PRSS33: variants seen among roughly 807,000 people sequenced by gnomAD.
PRSS33 encodes serine protease 33, also known as protease, serine 33.
A neutral mutation model predicts 26.7 loss-of-function variants in PRSS33; 32 were observed. The observed-to-expected ratio is 1.20, with a 90% CI of 0.90 to 1.61. The LOEUF (loss-of-function observed/expected upper bound fraction) is 1.61. Among genes scored for constraint, PRSS33 ranks in the 40% most tolerant of loss-of-function variants. The pLI is 0.00. For missense variants in PRSS33, 450 were observed against 396.3 expected (o/e 1.14, Z -1.15); for synonymous variants, 192 against 177.6 (o/e 1.08, Z -0.64).
At chr16:2,786,061 A>T (rs761584283) in intron 3 of PRSS33, 28 bp downstream of exon 3, 1 of 1,612,744 alleles carries the variant, frequency 6.2e-7, no homozygotes, top group South Asian at 1.1e-5. Context: ...GGAGGGGCTG[A>T]CTCGGGTGGA....
In PRSS33 at chr16:2,786,650, C is replaced by A. The variant is rs1990265; in HGVS notation, c.-57-46G>T. ...AGAGGAGAGTCCTGGCCCAGGGGCA[C>A]CAATCCTCACACCAGCCCGTCACCC... On this transcript the variant is annotated intron_variant, in intron 1 of 6. Coordinates refer to ENST00000682474, the MANE Select transcript of PRSS33 (RefSeq NM_152891.3). The A allele has an allele frequency of 0.018, 24,065 of 1,308,374 alleles. 3,338 individuals are homozygous for A. The African/African-American group carries it at 0.3, about 16-fold the overall frequency. 81.0% of individuals were successfully genotyped at this position (1,308,374 alleles called of 1,614,324 possible).
At position 2,784,692 on chromosome 16, in the gene PRSS33, G is replaced by T; in HGVS notation, c.795C>A (p.Thr265=). The part of the protein sequence containing the change: ...CALPNRPGVY[T]SVATYSPWIQ... ...TCCAGGGGCTATATGTGGCCACACT[G>T]GTGTAGACCCCTGGACGGTTGGGCA... Residue 265 remains threonine (T), a synonymous_variant, in exon 7 of 7, where the codon ACC becomes ACA. Transcript: ENST00000682474. The T allele has an allele frequency of 6.2e-7, 1 of 1,606,302 alleles. No individual in the cohort carries two copies. Among genetic ancestry groups the T allele is most frequent in the African/African-American group, 1.3e-5 (1 of 74,812 alleles).
Position 2,785,981 on chromosome 16 carries a change from G to A in PRSS33, c.80-20C>T, listed in dbSNP as rs747114500. ...CGCAGGCTAGAAAAGGACCAGGGGC[G>A]GTGAGGGTTGGCTGAGGACCTGGGG... On this transcript the variant is annotated intron_variant, in intron 3 of 6. Transcript: ENST00000682474. 7.4e-6 allele frequency: 12 copies of A among 1,613,028 alleles called. No individual in the cohort carries two copies. Among genetic ancestry groups the A allele is most frequent in the African/African-American group, 1.3e-5 (1 of 75,064 alleles).
chr16:2,784,565 G>T lies in PRSS33; in HGVS notation c.*79C>A, dbSNP rs2068850505. The stretch of plus-strand genomic sequence containing the variant: ...TGGCCTCGAGGCAGAAGGGATGTGG[G>T]GTATAGGCAGGTGCCTGGATGAACC... On this transcript the variant is annotated 3_prime_UTR_variant, in exon 7 of 7. Coordinates refer to ENST00000682474, the MANE Select transcript of PRSS33 (RefSeq NM_152891.3). 1 of 1,398,508 alleles carries T rather than the reference G, an allele frequency of 7.2e-7. No homozygotes were observed. The highest frequency in any genetic ancestry group is 9.6e-7 in the Non-Finnish European group (1 of 1,037,842). The allele number at this position is 1,398,508 out of a possible 1,614,324, so 86.6% of individuals were successfully genotyped here.
At chr16:2,787,665 C>A (rs563826844), upstream of PRSS33, among the ~76,000 whole-genome samples, 6 of 151,592 alleles carry the variant, frequency 4.0e-5, no homozygotes, top group South Asian at 8.4e-4. Flanking sequence ...ACCGGACCAG[C>A]CTCAAACAAA....
chr16:2,786,178 T>C, intron 2 of PRSS33, 57 bp from the exon 3 acceptor site: 4 of 1,478,214 alleles, frequency 2.7e-6, no homozygotes, highest in Non-Finnish European at 3.8e-6. Flanking sequence ...AATAACGGAG[T>C]TGGAGGGGAG....
intron 6 of PRSS33, 50 bp from the exon 7 acceptor site, chr16:2,784,852 C>G (rs772831274): frequency 6.4e-7 from 1 of 1,555,606 alleles, no homozygotes; most frequent in South Asian, 1.2e-5. Flanking sequence ...GACTTCAGTT[C>G]TCAGGGTTCC....
chr16:2,784,984 G>T lies in PRSS33; in HGVS notation c.684+18C>A, dbSNP rs757242287. 1.3e-6 allele frequency: 2 copies of T among 1,595,014 alleles called. No homozygotes were observed. The highest frequency in any genetic ancestry group is 1.1e-5 in the South Asian group (1 of 88,308). On this transcript the variant is annotated intron_variant, in intron 6 of 6. Coordinates refer to ENST00000682474, the MANE Select transcript of PRSS33 (RefSeq NM_152891.3). ...CACAGGGAGGGGACTCCGGAGGCTG[G>T]GGAGGCTGGGTGCACACCTGGCAGG... is the stretch of plus-strand genomic sequence containing the variant.
chr16:2,785,308 T>G, intron 5 of PRSS33, 67 bp downstream of exon 5: 1 of 1,455,334 alleles, frequency 6.9e-7, no homozygotes, highest in Non-Finnish European at 9.0e-7. Context: ...GGGGCTGGGA[T>G]TTCCAGTCAG....
rs1392985320 is a variant in PRSS33 at position 2,786,112 on chromosome 16, C to A, written c.56G>T (p.Gly19Val). ...ACCTGCAGACTTCCTTCCCTGAGTC[C>A]CAGCAGCTCCTGGAGGAGGAAGCAG... ...VLLLLVLGAA[G>V]TQGRKSAACG... Residue 19 changes from glycine to valine, a missense_variant, in exon 3 of 7, where the codon GGG becomes GTG. Physicochemically the swap from Gly to Val is moderately radical, Grantham distance 109. Transcript: ENST00000682474. 1.2e-6 allele frequency: 2 copies of A among 1,613,352 alleles called. No homozygotes were observed. The highest frequency in any genetic ancestry group is 1.7e-6 in the Non-Finnish European group (2 of 1,179,780).
rs555139479 is a variant in PRSS33 at position 2,784,327 on chromosome 16, T to C, written c.*317A>G. ...ACAGGCCAGATGGGCAGCAATTGGT[T>C]TGCCCATCACTGCGTGCCTTGCGCC... On this transcript the variant is annotated 3_prime_UTR_variant, in exon 7 of 7. Transcript: ENST00000682474. 13 of 212,218 alleles carry C rather than the reference T, an allele frequency of 6.1e-5. No homozygotes were observed. The South Asian group carries it at 1.3e-3, about 22-fold the overall frequency. The allele number at this position is 212,218 out of a possible 1,614,324, so 13.1% of individuals were successfully genotyped here.
intron 1 of PRSS33, chr16:2,786,806 C>T (rs1260670751): frequency 2.3e-6 from 1 of 430,198 alleles, no homozygotes; most frequent in Non-Finnish European, 4.2e-6. Context: ...ATTTGGGCAT[C>T]CTTGGTCTCG....
intron 1 of PRSS33, among the ~76,000 whole-genome samples, chr16:2,787,242 T>C (rs1424781032): frequency 1.5e-3 from 3 of 2,060 alleles, no homozygotes; most frequent in African/African-American, 5.9e-3. Flanking sequence ...ACCCCCTCCC[T>C]CATCCTCACC....
At position 2,785,186 on chromosome 16, in the gene PRSS33, G is replaced by C; in HGVS notation, c.515-15C>G. ...TGGGAGGGGCACTGGGGGAAGAGGAGGGACCTCTGAGAGGAAGGCGTGGAG... is the reference window on the plus strand; with the variant it reads ...TGGGAGGGGCACTGGGGGAAGAGGACGGACCTCTGAGAGGAAGGCGTGGAG... On this transcript the variant is annotated splice_polypyrimidine_tract_variant and intron_variant, in intron 5 of 6. Coordinates refer to ENST00000682474, the MANE Select transcript of PRSS33 (RefSeq NM_152891.3). The C allele has an allele frequency of 6.5e-7, 1 of 1,531,172 alleles. No individual in the cohort carries two copies. The highest frequency in any genetic ancestry group is 8.8e-7 in the Non-Finnish European group (1 of 1,141,482). 94.8% of individuals were successfully genotyped at this position (1,531,172 alleles called of 1,614,324 possible).
At position 2,785,080 on chromosome 16, in the gene PRSS33, G is replaced by C. The variant is rs1477632768; in HGVS notation, c.606C>G (p.Asp202Glu). 1 of 1,566,022 alleles carries C rather than the reference G, an allele frequency of 6.4e-7. No homozygotes were observed. Among genetic ancestry groups the C allele is most frequent in the Non-Finnish European group, 8.6e-7 (1 of 1,158,472 alleles). Reference protein sequence around the residue: ...TCDGLYHVGADVPQAERIVLP... With the variant: ...TCDGLYHVGAEVPQAERIVLP... The stretch of plus-strand genomic sequence containing the variant: ...GCACAATGCGCTCAGCCTGGGGCAC[G>C]TCCGCGCCCACGTGGTAGAGGCCGT... The change falls in exon 6 of 7, where the codon GAC (aspartate) becomes GAG (glutamate). Residue 202 changes from aspartate (D) to glutamate (E), a missense_variant. Physicochemically the swap from Asp to Glu is conservative, Grantham distance 45. Transcript: ENST00000682474.
chr16:2,785,322 G>A (rs2068860115), intron 5 of PRSS33, 53 bp downstream of exon 5: 4 of 1,460,378 alleles, frequency 2.7e-6, no homozygotes, highest in African/African-American at 2.8e-5. Context: ...CAGTCAGATG[G>A]AGGAGGACGT....
chr16:2,786,824 C>T lies in PRSS33; in HGVS notation c.-57-220G>A, dbSNP rs139227165. 425 of 372,942 alleles carry T rather than the reference C, an allele frequency of 1.1e-3. 1 individual carries two copies. Among genetic ancestry groups the T allele is most frequent in the African/African-American group, 8.5e-3 (403 of 47,436 alleles). The allele number at this position is 372,942 out of a possible 1,614,324, so 23.1% of individuals were successfully genotyped here. ...TGGGCATCCTTGGTCTCGACAGAAG[C>T]CCTGGAGCCTAACCCCCCTCGGTCA... is the stretch of plus-strand genomic sequence containing the variant. On this transcript the variant is annotated intron_variant, in intron 1 of 6. Transcript: ENST00000682474.
rs764769997 is a variant in PRSS33 at position 2,786,064 on chromosome 16, C to T, written c.79+25G>A. ...GGCCGAGGTCCAGGAGGGGCTGACT[C>T]GGGTGGACTCCGAGGCTTCCTCACC... On this transcript the variant is annotated intron_variant, in intron 3 of 6. Transcript: ENST00000682474. 7 of 1,613,066 alleles carry T rather than the reference C, an allele frequency of 4.3e-6. No homozygotes were observed. The East Asian group carries it at 1.1e-4, about 26-fold the overall frequency.
chr16:2,784,981 C>T (rs753990780), intron 6 of PRSS33, 21 bp downstream of exon 6: 12 of 1,593,738 alleles, frequency 7.5e-6, no homozygotes, highest in Non-Finnish European at 9.4e-6. Context: ...ACTCCGGAGG[C>T]TGGGGAGGCT....
Sources: allele counts gnomAD v4.1 joint callset (sites outside exome capture counted in the v4.1 genomes callset), GRCh38; gene constraint gnomAD v4.1.1; transcripts MANE v1.5; gene names NCBI Gene and HGNC (gene_info 2026-07-23, HGNC 2026-07-21).